The following PRKG1 variants were observed in gnomAD, a reference collection of about 807,000 sequenced individuals.
The protein encoded by PRKG1 is protein kinase cGMP-dependent 1, also known as cGMP-dependent protein kinase 1.
Under a neutral mutation model 88.1 loss-of-function variants are expected in PRKG1, and 35 were observed. The ratio of observed to expected loss-of-function variants is 0.40; its 90% confidence interval spans 0.30 to 0.53. The LOEUF is 0.53. PRKG1 is among the 20% of genes least tolerant of loss of function. The pLI is 0.59. For missense variants in PRKG1, 540 were observed against 839.8 expected, an observed-to-expected ratio of 0.64 and a Z score of 4.41; for synonymous variants, 303 against 292.5, an observed-to-expected ratio of 1.04 and a Z score of -0.37.
At chr10:52,231,365 C>T (rs1392241881) in intron 9 of PRKG1, 1 of 151,984 alleles carries the variant, frequency 6.6e-6, no homozygotes, top group Non-Finnish European at 1.5e-5. Context: ...CTCACCACTG[C>T]ACTCCAGCTT....
chr10:51,260,488 TAA>T lies in PRKG1; in HGVS notation c.478+107162_478+107163del, dbSNP rs200689416. On this transcript the variant is annotated intron_variant, in intron 2 of 17. Coordinates refer to ENST00000373980, the MANE Select transcript of PRKG1 (RefSeq NM_006258.4). Reference sequence around the variant, plus strand: ...ATACCAATGGTCTCTCTAGGGAATTTAAAAAGAGTCTGGATATATTGCATAAA... The same window carrying T: ...ATACCAATGGTCTCTCTAGGGAATTTAAAGAGTCTGGATATATTGCATAAA... 4.1e-4 allele frequency among the ~76,000 whole-genome samples: 62 copies of T among 152,342 alleles called. No individual in the cohort carries two copies. The East Asian group carries it at 0.011, about 27-fold the overall frequency.
At chr10:51,772,655 A>G (rs2132548187) in intron 3 of PRKG1, among the ~76,000 whole-genome samples, 1 of 152,044 alleles carries the variant, frequency 6.6e-6, no homozygotes, top group South Asian at 2.1e-4. Flanking sequence ...GAGAATCTGT[A>G]TTATGTTTGC....
intron 3 of PRKG1, among the ~76,000 whole-genome samples, chr10:51,542,348 C>G (rs1842326577): frequency 1.3e-5 from 2 of 152,092 alleles, no homozygotes; most frequent in South Asian, 4.2e-4. Context: ...CGTGCATCCA[C>G]CAATTTTATC....
chr10:51,166,139 C>T (rs1171636016), intron 2 of PRKG1, among the ~76,000 whole-genome samples: 2 of 151,578 alleles, frequency 1.3e-5, no homozygotes, highest in African/African-American at 2.4e-5. Context: ...CCTTCAGCAA[C>T]ATTGCTGATA....
chr10:51,088,471 GTCT>G (rs1405971259), intron 1 of PRKG1, among the ~76,000 whole-genome samples: 2 of 146,658 alleles, frequency 1.4e-5, no homozygotes, highest in South Asian at 2.2e-4. Context: ...TAGTATATGT[GTCT>G]TCTTCTCGCT....
At chr10:51,748,388 C>T (rs1168448819) in intron 3 of PRKG1, among the ~76,000 whole-genome samples, 1 of 152,124 alleles carries the variant, frequency 6.6e-6, no homozygotes, top group Non-Finnish European at 1.5e-5. Flanking sequence ...ATATTTCAGT[C>T]TGTATGATAA....
At chr10:51,675,748 T>C (rs1564601811) in intron 3 of PRKG1, among the ~76,000 whole-genome samples, 1 of 152,198 alleles carries the variant, frequency 6.6e-6, no homozygotes, top group Non-Finnish European at 1.5e-5. Flanking sequence ...AAAGTTGTTT[T>C]TCCTGGGGCC....
intron 2 of PRKG1, among the ~76,000 whole-genome samples, chr10:51,219,487 A>G (rs935614154): frequency 6.6e-6 from 1 of 151,884 alleles, no homozygotes; most frequent in Non-Finnish European, 1.5e-5. Flanking sequence ...TGGCGGGTGG[A>G]TCACAAGGTC....
chr10:52,148,595 A>C (rs749046058), intron 8 of PRKG1, among the ~76,000 whole-genome samples: 14 of 152,236 alleles, frequency 9.2e-5, no homozygotes, highest in Non-Finnish European at 1.3e-4. Context: ...TGTGTGTCAC[A>C]TATACTGAAA....
intron 9 of PRKG1, among the ~76,000 whole-genome samples, chr10:52,233,846 C>G (rs1351769818): frequency 6.6e-6 from 1 of 152,106 alleles, no homozygotes; most frequent in Non-Finnish European, 1.5e-5. Flanking sequence ...ACTGTAGGCT[C>G]CACCTCTGGG....
At chr10:51,284,865 CTTTTTTTT>C (rs5784867) in intron 2 of PRKG1, among the ~76,000 whole-genome samples, 1 of 51,698 alleles carries the variant, frequency 1.9e-5, no homozygotes, top group African/African-American at 7.2e-5. Flanking sequence ...GTTGTGGGTA[CTTTTTTTT>C]TTTTTTTTTT....
intron 3 of PRKG1, among the ~76,000 whole-genome samples, chr10:51,605,187 T>G (rs1838730157): frequency 2.6e-5 from 4 of 152,184 alleles, no homozygotes; most frequent in Admixed American, 2.6e-4. Context: ...CCTCTCAACA[T>G]CCAGCTGCTT....
At chr10:51,897,234 T>A (rs901378684) in intron 4 of PRKG1, among the ~76,000 whole-genome samples, 1 of 152,210 alleles carries the variant, frequency 6.6e-6, no homozygotes, top group Non-Finnish European at 1.5e-5. Flanking sequence ...ATGGATTGAT[T>A]TTTTTAGTAA....
chr10:51,781,993 C>T (rs759824404), intron 3 of PRKG1, among the ~76,000 whole-genome samples: 8 of 151,050 alleles, frequency 5.3e-5, no homozygotes, highest in Admixed American at 2.0e-4. Context: ...AAAAAAGTAT[C>T]GAAATCTGAA....
At chr10:51,146,673 C>A (rs965354803) in intron 1 of PRKG1, among the ~76,000 whole-genome samples, 9 of 152,008 alleles carry the variant, frequency 5.9e-5, no homozygotes, top group Admixed American at 5.2e-4. Flanking sequence ...AAGCAATTCC[C>A]CTCCTTTTTC....
intron 2 of PRKG1, among the ~76,000 whole-genome samples, chr10:51,440,414 C>T (rs1356934150): frequency 2.6e-5 from 4 of 151,776 alleles, no homozygotes; most frequent in Non-Finnish European, 5.9e-5. Context: ...AATTTTAACA[C>T]TAGAATTTTT....
At chr10:51,996,101 A>G (rs1036130710) in intron 5 of PRKG1, among the ~76,000 whole-genome samples, 1 of 152,066 alleles carries the variant, frequency 6.6e-6, no homozygotes, top group Non-Finnish European at 1.5e-5. Flanking sequence ...TCACGAGGTC[A>G]GGAGTTTGAG....
At chr10:51,885,554 C>T (rs747385860) in intron 4 of PRKG1, among the ~76,000 whole-genome samples, 3 of 152,182 alleles carry the variant, frequency 2.0e-5, no homozygotes, top group Non-Finnish European at 2.9e-5. Flanking sequence ...TACCGTTAGA[C>T]ACCTCCTCAC....
intron 3 of PRKG1, among the ~76,000 whole-genome samples, chr10:51,699,851 T>A (rs1236262668): frequency 6.6e-6 from 1 of 152,210 alleles, no homozygotes; most frequent in Non-Finnish European, 1.5e-5. Flanking sequence ...ACACGCTTGG[T>A]ACGAGATGAC....
Sources: allele counts gnomAD v4.1 joint callset (sites outside exome capture counted in the v4.1 genomes callset), GRCh38; gene constraint gnomAD v4.1.1; transcripts MANE v1.5; gene names NCBI Gene and HGNC (gene_info 2026-07-23, HGNC 2026-07-21).